The following PARD3B variants were observed in gnomAD, a reference collection of about 807,000 sequenced individuals.
The protein encoded by PARD3B is partitioning defective 3 homolog B.
In PARD3B, 103 loss-of-function variants were observed where a neutral mutation model predicts 130.2. The ratio of observed to expected loss-of-function variants is 0.79; its 90% CI spans 0.67 to 0.93. The LOEUF (loss-of-function observed/expected upper bound fraction) is 0.93, where lower values mean the gene tolerates loss of function less well. Among genes scored for constraint, PARD3B ranks in the 40% least tolerant of loss-of-function variants. The pLI, the probability that PARD3B is intolerant of heterozygous loss-of-function variation, is 0.00. For missense variants in PARD3B, 1,609 were observed against 1,499.2 expected (o/e 1.07, Z -1.21); for synonymous variants, 583 against 553.2 (o/e 1.05, Z -0.76).
intron 1 of PARD3B, among the ~76,000 whole-genome samples, chr2:204,619,842 A>G (rs1208787666): frequency 6.6e-6 from 1 of 152,182 alleles, no homozygotes; most frequent in African/African-American, 2.4e-5. Context: ...TCTGATAATA[A>G]TGGCTTAACA....
chr2:205,469,094 A>AT (rs1441730831), intron 20 of PARD3B, among the ~76,000 whole-genome samples: 1 of 152,054 alleles, frequency 6.6e-6, no homozygotes, highest in Admixed American at 6.5e-5. Context: ...AGTGTGTTGG[A>AT]ATTGACTGTT....
chr2:204,770,156 C>T (rs1270930940), intron 2 of PARD3B, among the ~76,000 whole-genome samples: 1 of 48,366 alleles, frequency 2.1e-5, no homozygotes, highest in Admixed American at 2.4e-4. Flanking sequence ...ATAAATTTCC[C>T]TCTACACACT....
chr2:205,176,350 A>G lies in PARD3B; in HGVS notation c.1792-95A>G. The G allele has an allele frequency of 8.1e-7, 1 of 1,234,590 alleles. No homozygotes were observed. Among genetic ancestry groups the G allele is most frequent in the East Asian group, 2.6e-5 (1 of 38,154 alleles). The allele number at this position is 1,234,590 out of a possible 1,614,324, so 76.5% of individuals were successfully genotyped here. On this transcript the variant is annotated intron_variant, in intron 12 of 22. Transcript: ENST00000406610. The surrounding 1 kb of genome is among the most constrained non-coding windows in gnomAD (Gnocchi z 5.3). ...CTTAAGTGTAATAGACTCTTGAAAG[A>G]CTATTCATACAGCGATCATTCTTTC...
intron 2 of PARD3B, among the ~76,000 whole-genome samples, chr2:204,814,243 C>G (rs183042863): frequency 8.6e-4 from 130 of 151,764 alleles, no homozygotes; most frequent in African/African-American, 2.9e-3. Context: ...CTTTTTAATT[C>G]CAATTTTCAG....
intron 4 of PARD3B, among the ~76,000 whole-genome samples, chr2:205,070,587 T>A (rs990912426): frequency 1.3e-5 from 2 of 152,118 alleles, no homozygotes; most frequent in Admixed American, 1.3e-4. Context: ...AAGTTAAACA[T>A]TTTAGCAATA....
chr2:204,821,932 A>G (rs963408926), intron 2 of PARD3B, among the ~76,000 whole-genome samples: 1 of 147,986 alleles, frequency 6.8e-6, no homozygotes, highest in South Asian at 2.1e-4. Flanking sequence ...TAATGCACTA[A>G]CATAACATCT....
chr2:205,380,950 T>TAAAGAATATATTAATATATAAAG (rs529607774), intron 18 of PARD3B, among the ~76,000 whole-genome samples: 1 of 81,852 alleles, frequency 1.2e-5, no homozygotes, highest in African/African-American at 6.2e-5. Context: ...ATATAATATA[T>TAAAGAATATATTAATATATAAAG]AATGTATATA....
At chr2:204,841,987 C>A (rs992607797) in intron 2 of PARD3B, among the ~76,000 whole-genome samples, 2 of 152,038 alleles carry the variant, frequency 1.3e-5, no homozygotes, top group African/African-American at 4.8e-5. Flanking sequence ...TAACATACTT[C>A]AGGTTGGTAA....
chr2:204,733,048 T>A (rs2039584984), intron 2 of PARD3B, among the ~76,000 whole-genome samples: 1 of 152,080 alleles, frequency 6.6e-6, no homozygotes, highest in African/African-American at 2.4e-5. Flanking sequence ...GTGAGCCTGA[T>A]GAATCTTGTT....
chr2:204,629,448 G>A (rs564510027), intron 1 of PARD3B, among the ~76,000 whole-genome samples: 2 of 152,180 alleles, frequency 1.3e-5, no homozygotes, highest in East Asian at 1.9e-4. Context: ...CTTCAAAACC[G>A]TGTTCAGGCA....
chr2:205,412,317 G>A (rs1351032629), intron 19 of PARD3B, among the ~76,000 whole-genome samples: 1 of 152,172 alleles, frequency 6.6e-6, no homozygotes, highest in African/African-American at 2.4e-5. Context: ...GTGCACAGAA[G>A]TGGCACAGAA....
Position 205,550,922 on chromosome 2 carries a change from TATGTGTGTG to T in PARD3B, c.3181-2401_3181-2393del, listed in dbSNP as rs2052593309. The stretch of plus-strand genomic sequence containing the variant: ...TAATCATGTTATAAATACATATAAT[TATGTGTGTG>T]TGTGTGTGTGTATATATATATGTGT... On this transcript the variant is annotated intron_variant, in intron 21 of 22. Coordinates refer to ENST00000406610, the MANE Select transcript of PARD3B (RefSeq NM_001302769.2). The surrounding 1 kb of genome is among the most constrained non-coding windows in gnomAD (Gnocchi z 4.5). Among the ~76,000 whole-genome samples the T allele has an allele frequency of 2.1e-5, 2 of 94,540 alleles. No individual in the cohort carries two copies. The highest frequency in any genetic ancestry group is 4.4e-5 in the Non-Finnish European group (2 of 45,078). 62.0% of individuals were successfully genotyped at this position (94,540 alleles called of 152,430 possible).
intron 4 of PARD3B, among the ~76,000 whole-genome samples, chr2:205,069,870 A>G (rs1700616924): frequency 6.6e-6 from 1 of 151,928 alleles, no homozygotes; most frequent in Non-Finnish European, 1.5e-5. Flanking sequence ...TAGTATCTAC[A>G]CTCTACACTG....
intron 1 of PARD3B, among the ~76,000 whole-genome samples, chr2:204,668,417 C>T (rs2036124480): frequency 1.3e-5 from 2 of 152,164 alleles, no homozygotes; most frequent in Non-Finnish European, 2.9e-5. Flanking sequence ...GTCTCATGGA[C>T]TGTTTAAAAA....
At position 205,500,031 on chromosome 2, in the gene PARD3B, G is replaced by C; in HGVS notation, c.3180G>C (p.Trp1060Cys). Residue 1060 changes from tryptophan to cysteine, a missense_variant and splice_region_variant, in exon 21 of 23, where the codon TGG (tryptophan) becomes TGC (cysteine). By Grantham distance (215) the Trp-to-Cys change is radical. Coordinates refer to ENST00000406610, the MANE Select transcript of PARD3B (RefSeq NM_001302769.2). ...GGCCATCTGAGTATGACCTACTCTG[G>C]GTAAGCGCATGCATGATTTCAATCG... ...RARPSEYDLL[W>C]VPGRGPDGNA... 2 of 1,612,728 alleles carry C rather than the reference G, an allele frequency of 1.2e-6. No individual in the cohort carries two copies. Among genetic ancestry groups the C allele is most frequent in the Non-Finnish European group, 1.7e-6 (2 of 1,179,382 alleles).
At chr2:204,754,499 C>A (rs2040587530) in intron 2 of PARD3B, among the ~76,000 whole-genome samples, 1 of 151,988 alleles carries the variant, frequency 6.6e-6, no homozygotes, top group Admixed American at 6.6e-5. Flanking sequence ...AATAATAGAA[C>A]CTGCCTTATA....
At chr2:205,213,022 G>A (rs2037724806) in intron 15 of PARD3B, among the ~76,000 whole-genome samples, 1 of 152,072 alleles carries the variant, frequency 6.6e-6, no homozygotes, top group Non-Finnish European at 1.5e-5. Flanking sequence ...CTAGTAAATG[G>A]TGGGGCCAGG....
Position 205,229,663 on chromosome 2 carries a change from G to T in PARD3B, c.2141-16115G>T, listed in dbSNP as rs1433173673. ...CCTAGGCTCACAGTAACCACTGCCT[G>T]GCTACCACCTACATTTGCTTAGGAC... On this transcript the variant is annotated intron_variant, in intron 15 of 22. Transcript: ENST00000406610. This position sits in a 1 kb window ranked among gnomAD's most constrained non-coding sequence, Gnocchi z 5.2. Among the ~76,000 whole-genome samples the T allele has an allele frequency of 2.6e-5, 4 of 152,042 alleles. No homozygotes were observed. Among genetic ancestry groups the T allele is most frequent in the Non-Finnish European group, 4.4e-5 (3 of 68,028 alleles).
intron 1 of PARD3B, among the ~76,000 whole-genome samples, chr2:204,559,541 G>T (rs1559155797): frequency 6.6e-6 from 1 of 152,226 alleles, no homozygotes; most frequent in Admixed American, 6.5e-5. Context: ...GGAAACAACA[G>T]ATGCTGGAGA....
Sources: allele counts gnomAD v4.1 joint callset (sites outside exome capture counted in the v4.1 genomes callset), GRCh38; gene constraint gnomAD v4.1.1; non-coding constraint Gnocchi (gnomAD v3.1); transcripts MANE v1.5; gene names NCBI Gene and HGNC (gene_info 2026-07-23, HGNC 2026-07-21).